ARHGAP18: variants seen among roughly 807,000 people sequenced by gnomAD.
ARHGAP18 encodes rho GTPase-activating protein 18.
Under a neutral mutation model 86.2 loss-of-function variants are expected in ARHGAP18, and 67 were observed. The ratio of observed to expected loss-of-function variants is 0.78; its 90% confidence interval spans 0.64 to 0.95. ARHGAP18 has a LOEUF of 0.95. ARHGAP18 is among the 40% of genes least tolerant of loss of function. ARHGAP18 has a pLI of 0.00. For missense variants in ARHGAP18, 691 were observed against 780.4 expected (o/e 0.89, Z 1.37); for synonymous variants, 283 against 280.4 (o/e 1.01, Z -0.09).
chr6:129,613,165 G>A (rs1268546508), intron 7 of ARHGAP18, among the ~76,000 whole-genome samples: 11 of 151,142 alleles, frequency 7.3e-5, no homozygotes, highest in Admixed American at 5.3e-4. Flanking sequence ...CCCCAGAGGC[G>A]GAGCTTGCAG....
At chr6:129,665,782 C>T (rs1027371196) in intron 1 of ARHGAP18, among the ~76,000 whole-genome samples, 3 of 152,112 alleles carry the variant, frequency 2.0e-5, no homozygotes, top group Non-Finnish European at 4.4e-5. Flanking sequence ...AATTGCTTAA[C>T]CTCTCTGAAC....
At chr6:129,625,088 TG>T (rs1789330698) in intron 5 of ARHGAP18, among the ~76,000 whole-genome samples, 1 of 103,444 alleles carries the variant, frequency 9.7e-6, no homozygotes, top group Non-Finnish European at 1.8e-5. Context: ...ATATGATATA[TG>T]ATATATGATA....
rs1483409154 is a variant in ARHGAP18, at chr6:129,629,449, G to A, written c.690C>T (p.Ile230=). 1 of 1,613,794 alleles carries A rather than the reference G, an allele frequency of 6.2e-7. No individual in the cohort carries two copies. Among genetic ancestry groups the A allele is most frequent in the African/African-American group, 1.3e-5 (1 of 74,846 alleles). The change falls in exon 5 of 15, where the codon ATC becomes ATT. Residue 230 remains isoleucine, a synonymous_variant. Coordinates refer to ENST00000368149, the MANE Select transcript of ARHGAP18 (RefSeq NM_033515.3). The part of the protein sequence containing the change: ...PEETPAPETD[I]NLEVSFAEQA... Reference sequence around the variant, plus strand: ...GCTCGGCAAATGATACCTCCAGGTTGATGTCTGTTTCAGGGGCAGGCGTCT... The same window carrying A: ...GCTCGGCAAATGATACCTCCAGGTTAATGTCTGTTTCAGGGGCAGGCGTCT...
intron 1 of ARHGAP18, among the ~76,000 whole-genome samples, chr6:129,646,749 T>A (rs1441939086): frequency 1.3e-5 from 2 of 152,202 alleles, no homozygotes; most frequent in African/African-American, 4.8e-5. Context: ...AATATTACAG[T>A]TCATGTCGTC....
At position 129,642,411 on chromosome 6, in the gene ARHGAP18, A is replaced by C. The variant is rs191332111; in HGVS notation, c.114-393T>G. 2.2e-3 allele frequency among the ~76,000 whole-genome samples: 340 copies of C among 152,174 alleles called. 2 individuals carry two copies. The highest frequency in any genetic ancestry group is 1.8e-3 in the Non-Finnish European group (120 of 68,008). ...GTGATCTTCCCACCTCAGTCTCCTG[A>C]GGAGCTACTACTACAGGTATATACC... On this transcript the variant is annotated intron_variant, in intron 1 of 14. Transcript: ENST00000368149.
At chr6:129,646,251 C>G (rs1194076831) in intron 1 of ARHGAP18, among the ~76,000 whole-genome samples, 2 of 152,192 alleles carry the variant, frequency 1.3e-5, no homozygotes, top group South Asian at 4.1e-4. Context: ...CTACTCCTCA[C>G]TTTTCCTATC....
chr6:129,613,248 A>T (rs1789021309), intron 7 of ARHGAP18, among the ~76,000 whole-genome samples: 1 of 151,266 alleles, frequency 6.6e-6, no homozygotes, highest in Non-Finnish European at 1.5e-5. Flanking sequence ...AAAAAAAAAA[A>T]AGAAAAGAAA....
chr6:129,666,164 C>T (rs1774031167), intron 1 of ARHGAP18, among the ~76,000 whole-genome samples: 1 of 152,098 alleles, frequency 6.6e-6, no homozygotes, highest in Non-Finnish European at 1.5e-5. Context: ...CCAGGAGCAC[C>T]AGGGAGCAGC....
intron 10 of ARHGAP18, among the ~76,000 whole-genome samples, chr6:129,604,444 A>G (rs971189978): frequency 2.0e-5 from 3 of 152,244 alleles, no homozygotes; most frequent in South Asian, 4.1e-4. Context: ...TAAGTAAATC[A>G]TAAGTTTTCC....
At position 129,577,018 on chromosome 6, in the gene ARHGAP18, ATT is replaced by A. The variant is rs1487090594; in HGVS notation, c.*1493_*1494del. On this transcript the variant is annotated 3_prime_UTR_variant, in exon 15 of 15. Transcript: ENST00000368149. ...GTGACTTTTAATAACAAAAAAGTCC[ATT>A]TCTCAATATTAATAAAAAAAAAGCA... The A allele has an allele frequency of 1.4e-5, 2 of 144,656 alleles. No homozygotes were observed. Among genetic ancestry groups the A allele is most frequent in the Admixed American group, 6.9e-5 (1 of 14,496 alleles). The allele number at this position is 144,656 out of a possible 1,614,324, so 9.0% of individuals were successfully genotyped here. A position where few individuals can be genotyped will look rare whatever the true frequency, so the allele number is the denominator to read the frequency against.
rs774625974 is a variant in ARHGAP18, at chr6:129,629,542, GA to G, written c.617-21del. The G allele has an allele frequency of 1.1e-5, 17 of 1,592,920 alleles. No individual in the cohort carries two copies. Among genetic ancestry groups the G allele is most frequent in the Non-Finnish European group, 1.4e-5 (17 of 1,174,202 alleles). On this transcript the variant is annotated intron_variant, in intron 4 of 14. Coordinates refer to ENST00000368149, the MANE Select transcript of ARHGAP18 (RefSeq NM_033515.3). ...CCTCGTCTAGGGGCCCGGGGGGAAA[GA>G]ACCCAATTCATATGCTTTATTTATT...
rs542440124 is a variant in ARHGAP18, at chr6:129,580,929, G to A, written c.1839-798C>T. 3.3e-4 allele frequency among the ~76,000 whole-genome samples: 50 copies of A among 152,188 alleles called. No homozygotes were observed. In the South Asian group the frequency reaches 9.1e-3, roughly 28 times the overall value. On this transcript the variant is annotated intron_variant, in intron 13 of 14. Transcript: ENST00000368149. Reference sequence around the variant, plus strand: ...CTCTTCTGTCAGTTGTGCAAATGAGGGCAGCACAGACCCTCAGAGTGGAAG... The same window carrying A: ...CTCTTCTGTCAGTTGTGCAAATGAGAGCAGCACAGACCCTCAGAGTGGAAG...
At chr6:129,645,108 A>G (rs1773551231) in intron 1 of ARHGAP18, among the ~76,000 whole-genome samples, 1 of 152,182 alleles carries the variant, frequency 6.6e-6, no homozygotes, top group South Asian at 2.1e-4. Flanking sequence ...ATTCAGTAAT[A>G]GACTACCCTC....
At chr6:129,656,556 G>A (rs933570546) in intron 1 of ARHGAP18, among the ~76,000 whole-genome samples, 4 of 152,064 alleles carry the variant, frequency 2.6e-5, no homozygotes, top group Non-Finnish European at 5.9e-5. Context: ...CAGAAGAATC[G>A]CTTGAAGAAC....
At chr6:129,669,069 G>T (rs529136698) in intron 1 of ARHGAP18, among the ~76,000 whole-genome samples, 1 of 152,086 alleles carries the variant, frequency 6.6e-6, no homozygotes, top group Non-Finnish European at 1.5e-5. Context: ...ACAATTACGC[G>T]GTGTCTGTAG....
In ARHGAP18 at chr6:129,634,083, T is replaced by C. The variant is rs1437939918; in HGVS notation, c.575A>G (p.Gln192Arg). Reference sequence around the variant, plus strand: ...TTTGTTTTCATTTGTTCTAAGTGACTGCGATTCAGTGCCACCTGGAGCCTA... The same window carrying C: ...TTTGTTTTCATTTGTTCTAAGTGACCGCGATTCAGTGCCACCTGGAGCCTA... ...KETAPGGTES[Q>R]SLRTNENKYQ... The change falls in exon 4 of 15, where the codon CAG (glutamine) becomes CGG (arginine). Residue 192 changes from glutamine to arginine, a missense_variant. Physicochemically the swap from Gln to Arg is conservative, Grantham distance 43. Transcript: ENST00000368149. 1 of 1,613,226 alleles carries C rather than the reference T, an allele frequency of 6.2e-7. No individual in the cohort carries two copies. The highest frequency in any genetic ancestry group is 8.5e-7 in the Non-Finnish European group (1 of 1,179,814).
At chr6:129,601,094 TAGGGAGC>T (rs1389988523) in intron 10 of ARHGAP18, among the ~76,000 whole-genome samples, 3 of 152,118 alleles carry the variant, frequency 2.0e-5, no homozygotes, top group Non-Finnish European at 4.4e-5. Context: ...ATAGCTGAAC[TAGGGAGC>T]AGAGAGAGGA....
At chr6:129,698,963 G>A (rs1260498007) in intron 1 of ARHGAP18, among the ~76,000 whole-genome samples, 2 of 152,184 alleles carry the variant, frequency 1.3e-5, no homozygotes, top group South Asian at 2.1e-4. Flanking sequence ...AAAGTGCTGG[G>A]ATTACAGGCA....
intron 12 of ARHGAP18, chr6:129,596,669 A>G (rs1410441351): frequency 6.6e-6 from 1 of 152,214 alleles, no homozygotes; most frequent in Admixed American, 6.5e-5. Context: ...TTAACAAATG[A>G]CAAAAGCTAC....
Sources: allele counts gnomAD v4.1 joint callset (sites outside exome capture counted in the v4.1 genomes callset), GRCh38; gene constraint gnomAD v4.1.1; transcripts MANE v1.5; gene names NCBI Gene and HGNC (gene_info 2026-07-23, HGNC 2026-07-21).